MALL: variants seen among roughly 807,000 people sequenced by gnomAD.
MALL encodes the protein MAL-like protein.
A neutral mutation model predicts 10.3 loss-of-function variants in MALL; 2 were observed. The ratio of observed to expected loss-of-function variants is 0.19; its 90% confidence interval spans 0.08 to 0.61. The LOEUF is 0.61. Among genes scored for constraint, MALL ranks in the 20% least tolerant of loss-of-function variants. MALL has a pLI of 0.88. For synonymous variants in MALL, 27 were observed against 51.8 expected (o/e 0.52, Z 2.05); for missense variants, 39 against 115.2 (o/e 0.34, Z 3.03).
intron 1 of MALL, among the ~76,000 whole-genome samples, chr2:110,100,979 A>G (rs200190240): frequency 6.1e-4 from 91 of 148,988 alleles, no homozygotes; most frequent in African/African-American, 6.9e-4. Flanking sequence ...CAAGTGCCAC[A>G]GCTGGAGGTC....
rs767368501 is a variant in MALL, at chr2:110,115,747, C to T, written c.46G>A (p.Val16Met). Residue 16 changes from valine to methionine, a missense_variant, in exon 1 of 4, where the codon GTG (valine) becomes ATG (methionine). Transcript: ENST00000272462. ...AGGAACAGCGCGACCCCCGAGGGCA[C>T]GTCGGACGGGGCGTAGCTGGTGGCG... ...PPATSYAPSD[V>M]PSGVALFLTI... is the part of the protein sequence containing the mutation. 4 of 1,291,430 alleles carry T rather than the reference C, an allele frequency of 3.1e-6. No homozygotes were observed. Among genetic ancestry groups the T allele is most frequent in the South Asian group, 7.1e-5 (2 of 28,274 alleles). 80.0% of individuals were successfully genotyped at this position (1,291,430 alleles called of 1,614,324 possible).
chr2:110,096,708 C>A (rs1678447434), intron 1 of MALL, among the ~76,000 whole-genome samples: 1 of 146,316 alleles, frequency 6.8e-6, no homozygotes, highest in Non-Finnish European at 1.5e-5. Context: ...GAAAAATGTA[C>A]CTACACACAC....
intron 1 of MALL, among the ~76,000 whole-genome samples, chr2:110,102,190 C>T (rs1478543873): frequency 6.6e-6 from 1 of 152,126 alleles, no homozygotes; most frequent in Non-Finnish European, 1.5e-5. Flanking sequence ...CATTAGGCAC[C>T]GGGTCACTTA....
At chr2:110,097,015 C>G (rs1435901787) in intron 1 of MALL, among the ~76,000 whole-genome samples, 1 of 151,342 alleles carries the variant, frequency 6.6e-6, no homozygotes, top group Non-Finnish European at 1.5e-5. Context: ...AGGAAATGAC[C>G]CCTTTATCCA....
upstream of MALL, among the ~76,000 whole-genome samples, chr2:110,117,174 C>T (rs1334355432): frequency 6.6e-6 from 1 of 152,142 alleles, no homozygotes; most frequent in Admixed American, 6.5e-5. Flanking sequence ...CTGCCAACCC[C>T]AGTCTCACCT....
rs551582724 is a variant in MALL, at chr2:110,115,538, C to G, written c.105+150G>C. Reference sequence around the variant, plus strand: ...CGGTCTGGGTCCGAGGCCGGTCTCCCCCCCCCTCTCTGCAGGTGGCCCCTG... The same window carrying G: ...CGGTCTGGGTCCGAGGCCGGTCTCCGCCCCCCTCTCTGCAGGTGGCCCCTG... On this transcript the variant is annotated intron_variant, in intron 1 of 3. Coordinates refer to ENST00000272462, the MANE Select transcript of MALL (RefSeq NM_005434.5). 3.7e-4 allele frequency: 162 copies of G among 433,324 alleles called. 1 individual carries two copies. Among genetic ancestry groups the G allele is most frequent in the African/African-American group, 5.0e-4 (24 of 47,680 alleles). 26.8% of individuals were successfully genotyped at this position (433,324 alleles called of 1,614,324 possible).
intron 1 of MALL, among the ~76,000 whole-genome samples, chr2:110,111,477 C>CA (rs1192166249): frequency 6.6e-6 from 1 of 151,724 alleles, no homozygotes; most frequent in African/African-American, 2.4e-5. Context: ...ATGATAGCTG[C>CA]AAAAAATAAT....
chr2:110,101,833 CTT>C (rs1326993804), intron 1 of MALL, among the ~76,000 whole-genome samples: 1 of 151,984 alleles, frequency 6.6e-6, no homozygotes, highest in Non-Finnish European at 1.5e-5. Flanking sequence ...CTTCTTGTCT[CTT>C]AAAAAAAAAG....
chr2:110,102,789 T>C (rs1252482554), intron 1 of MALL, among the ~76,000 whole-genome samples: 1 of 152,120 alleles, frequency 6.6e-6, no homozygotes, highest in Non-Finnish European at 1.5e-5. Context: ...CTGGGAAGGC[T>C]TTTCCCACCA....
At chr2:110,115,631 A>G in intron 1 of MALL, 57 bp downstream of exon 1, 1 of 1,025,772 alleles carries the variant, frequency 9.7e-7, no homozygotes. Flanking sequence ...TCTGGGTCCG[A>G]GGCCGGTCTC....
intron 1 of MALL, among the ~76,000 whole-genome samples, chr2:110,101,127 C>T (rs1429653144): frequency 1.3e-5 from 2 of 152,126 alleles, no homozygotes; most frequent in Non-Finnish European, 2.9e-5. Flanking sequence ...CCCCGTGTCA[C>T]TGGCCCTGCA....
chr2:110,095,825 A>G (rs1315877104), intron 1 of MALL, among the ~76,000 whole-genome samples: 1 of 152,136 alleles, frequency 6.6e-6, no homozygotes. Flanking sequence ...AGATAGTGAG[A>G]AAATTTCCAA....
intron 1 of MALL, among the ~76,000 whole-genome samples, chr2:110,097,875 T>C (rs1339261350): frequency 1.3e-5 from 2 of 152,060 alleles, no homozygotes; most frequent in East Asian, 1.9e-4. Flanking sequence ...CTCCTTCTCT[T>C]CCCTGGCACT....
chr2:110,116,497 C>G (rs1678925413), upstream of MALL: 1 of 152,372 alleles, frequency 6.6e-6, no homozygotes, highest in Non-Finnish European at 1.5e-5. Flanking sequence ...GAAGGCCCCC[C>G]AGTCTCTGGG....
chr2:110,116,221 G>A (rs968114842), upstream of MALL: 6 of 164,162 alleles, frequency 3.7e-5, no homozygotes, highest in African/African-American at 1.4e-4. Flanking sequence ...TGCCCACCAC[G>A]GCCTGCACGT....
chr2:110,108,760 C>T (rs755294543), intron 1 of MALL, among the ~76,000 whole-genome samples: 17 of 152,048 alleles, frequency 1.1e-4, no homozygotes, highest in South Asian at 2.1e-4. Context: ...AAAGTTAAGA[C>T]GAAGAAAAGG....
chr2:110,100,888 G>A (rs1678550476), intron 1 of MALL, among the ~76,000 whole-genome samples: 1 of 152,162 alleles, frequency 6.6e-6, no homozygotes, highest in African/African-American at 2.4e-5. Flanking sequence ...GAGAGTGGGA[G>A]GAGCCCTGGA....
intron 1 of MALL, among the ~76,000 whole-genome samples, chr2:110,097,925 G>C (rs1221933993): frequency 4.6e-5 from 7 of 152,006 alleles, no homozygotes; most frequent in Middle Eastern, 3.4e-3. Context: ...AAAACTTCAG[G>C]CTGAGAGAAA....
At chr2:110,117,402 A>C (rs990996114), upstream of MALL, among the ~76,000 whole-genome samples, 10 of 152,166 alleles carry the variant, frequency 6.6e-5, no homozygotes, top group African/African-American at 2.4e-4. Flanking sequence ...AATGGAGAAA[A>C]TAATACAACC....
Sources: gnomAD v4.1 joint callset for allele counts (sites outside exome capture counted in the v4.1 genomes callset) on GRCh38, gnomAD v4.1.1 for gene constraint, MANE v1.5 for transcripts, NCBI Gene and HGNC (gene_info 2026-07-23, HGNC 2026-07-21) for gene names.